The following ZFHX3 variants were observed in gnomAD, a reference collection of about 807,000 sequenced individuals.
ZFHX3 encodes zinc finger homeobox 3.
Under a neutral mutation model 279.1 loss-of-function variants are expected in ZFHX3, and 42 were observed. The observed-to-expected ratio is 0.15, with a 90% CI of 0.12 to 0.19. The LOEUF (loss-of-function observed/expected upper bound fraction) is 0.19. Ranked by LOEUF, ZFHX3 falls within the 10% of genes least tolerant of loss-of-function variation. The probability of loss-of-function intolerance (pLI) is 1.00; values close to 1 mark genes in which losing one functional copy is unlikely to be tolerated. For missense variants in ZFHX3, 4,981 were observed against 4,754.0 expected (o/e 1.05, Z -1.40); for synonymous variants, 2,293 against 1,957.8 (o/e 1.17, Z -4.52).
intron 3 of ZFHX3, among the ~76,000 whole-genome samples, chr16:73,373,123 G>C (rs1021602783): frequency 9.6e-6 from 1 of 103,712 alleles, no homozygotes; most frequent in Non-Finnish European, 1.9e-5. Flanking sequence ...TATATTTGTG[G>C]GGCGCTGGTG....
At chr16:73,653,175 T>C (rs542098571) in intron 2 of ZFHX3, among the ~76,000 whole-genome samples, 1 of 152,312 alleles carries the variant, frequency 6.6e-6, no homozygotes, top group Non-Finnish European at 1.5e-5. Context: ...TTGCTAATTA[T>C]TGGATGGACA....
intron 4 of ZFHX3, among the ~76,000 whole-genome samples, chr16:73,303,963 GAAAAAAAAAAAA>G (rs201865011): frequency 3.8e-4 from 29 of 76,126 alleles, no homozygotes; most frequent in African/African-American, 9.7e-4. Context: ...ACCCTAGGTG[GAAAAAAAAAAAA>G]AAAAAAAAAA....
At chr16:73,122,438 C>T (rs1966511003) in intron 7 of ZFHX3, among the ~76,000 whole-genome samples, 1 of 152,098 alleles carries the variant, frequency 6.6e-6, no homozygotes, top group African/African-American at 2.4e-5. Context: ...AAACCCGGAC[C>T]TCAAGTGGTC....
chr16:73,702,877 C>A (rs2053263644), intron 1 of ZFHX3, among the ~76,000 whole-genome samples: 1 of 152,126 alleles, frequency 6.6e-6, no homozygotes, highest in African/African-American at 2.4e-5. Flanking sequence ...TCCCCTTTCA[C>A]CTTGTTTCCA....
intron 5 of ZFHX3, among the ~76,000 whole-genome samples, chr16:73,190,364 G>A (rs1968004270): frequency 6.6e-6 from 1 of 152,210 alleles, no homozygotes; most frequent in Non-Finnish European, 1.5e-5. Flanking sequence ...ACACAGCTAA[G>A]TTTAGAGAGA....
chr16:73,654,752 A>C (rs1467371764), intron 2 of ZFHX3, among the ~76,000 whole-genome samples: 3 of 152,122 alleles, frequency 2.0e-5, no homozygotes, highest in South Asian at 2.1e-4. Flanking sequence ...ATAAATGTGT[A>C]AACTCATTTT....
chr16:73,483,999 C>G (rs955900634), intron 2 of ZFHX3, among the ~76,000 whole-genome samples: 1 of 142,064 alleles, frequency 7.0e-6, no homozygotes, highest in African/African-American at 2.6e-5. Context: ...AATAAGAAAA[C>G]AGTCTGAAAT....
chr16:72,910,591 G>A (rs536078330), intron 3 of ZFHX3, among the ~76,000 whole-genome samples: 1 of 152,334 alleles, frequency 6.6e-6, no homozygotes, highest in South Asian at 2.1e-4. Context: ...GGCAGTGGAT[G>A]GCAGCGTGGC....
chr16:73,354,220 T>C (rs921405817), intron 3 of ZFHX3, among the ~76,000 whole-genome samples: 1 of 152,226 alleles, frequency 6.6e-6, no homozygotes, highest in African/African-American at 2.4e-5. Flanking sequence ...TTATCTGAAA[T>C]TCAAACTGAA....
At chr16:73,706,470 A>AT (rs1000792202) in intron 1 of ZFHX3, among the ~76,000 whole-genome samples, 2 of 152,010 alleles carry the variant, frequency 1.3e-5, no homozygotes, top group African/African-American at 4.8e-5. Context: ...AAAAAAAAAA[A>AT]AAAAGAGAAA....
At chr16:72,907,313 C>A (rs1461711576) in intron 3 of ZFHX3, among the ~76,000 whole-genome samples, 1 of 152,106 alleles carries the variant, frequency 6.6e-6, no homozygotes, top group Non-Finnish European at 1.5e-5. Context: ...GGCTTTGATT[C>A]ATTCATTCAT....
intron 1 of ZFHX3, among the ~76,000 whole-genome samples, chr16:73,797,111 G>T (rs148346450): frequency 0.013 from 1,999 of 152,202 alleles, 38 homozygotes; most frequent in African/African-American, 0.045. Flanking sequence ...GCTGAGGCAG[G>T]AGAATGGCTT....
intron 1 of ZFHX3, among the ~76,000 whole-genome samples, chr16:73,835,912 T>C (rs1457869922): frequency 1.3e-5 from 2 of 152,154 alleles, no homozygotes; most frequent in African/African-American, 4.8e-5. Flanking sequence ...CTCTTACTAC[T>C]TTTTCCACAT....
At chr16:73,188,472 G>A (rs1475011469) in intron 5 of ZFHX3, among the ~76,000 whole-genome samples, 4 of 152,158 alleles carry the variant, frequency 2.6e-5, no homozygotes, top group Admixed American at 1.3e-4. Flanking sequence ...GATGAGCTTC[G>A]GTCCACCTTC....
chr16:73,730,376 GAA>G (rs1352379692), intron 1 of ZFHX3, among the ~76,000 whole-genome samples: 2 of 85,106 alleles, frequency 2.4e-5, no homozygotes, highest in African/African-American at 9.5e-5. Context: ...AAAAAAAAAA[GAA>G]AAAGAGAGAG....
In ZFHX3 at chr16:72,889,857, G is replaced by A. The variant is rs771775824; in HGVS notation, c.3322C>T (p.Arg1108Cys). The A allele has an allele frequency of 1.5e-5, 24 of 1,614,020 alleles. No individual in the cohort carries two copies. The highest frequency in any genetic ancestry group is 2.7e-5 in the African/African-American group (2 of 74,958). ...TCGCTTCGCTGGTGCTTCATGGAGC[G>A]CACATGCTGGATGAGGTTGAGCTTG... ...KAKLNLIQHVRSMKHQRSESL... is the reference protein window; with the variant it reads ...KAKLNLIQHVCSMKHQRSESL... Residue 1108 changes from arginine to cysteine, a missense_variant, in exon 4 of 10, where the codon CGC becomes TGC. By Grantham distance (180) the Arg-to-Cys change is radical. Around this residue, in one of 7 missense-constraint regions of ZFHX3, gnomAD observed 1,751 missense variants for 1,770.0 expected, o/e 0.99. Transcript: ENST00000268489.
intron 3 of ZFHX3, among the ~76,000 whole-genome samples, chr16:73,451,756 G>T (rs992748926): frequency 1.2e-4 from 19 of 152,136 alleles, no homozygotes; most frequent in Non-Finnish European, 2.2e-4. Flanking sequence ...GGGCATAAAA[G>T]AATTTTTTTA....
chr16:73,135,896 C>T (rs933448274), intron 6 of ZFHX3, among the ~76,000 whole-genome samples: 14 of 149,094 alleles, frequency 9.4e-5, no homozygotes, highest in Admixed American at 1.3e-4. Context: ...CTCGCTTTGT[C>T]GCCCAGGCTG....
chr16:73,763,901 C>A (rs940444444), intron 1 of ZFHX3, among the ~76,000 whole-genome samples: 2 of 142,946 alleles, frequency 1.4e-5, no homozygotes, highest in African/African-American at 2.7e-5. Flanking sequence ...GAAATGAATT[C>A]TGTGAACAAC....
Sources: allele counts gnomAD v4.1 joint callset (sites outside exome capture counted in the v4.1 genomes callset), GRCh38; gene constraint gnomAD v4.1.1; regional missense constraint gnomAD v4.1.1; transcripts MANE v1.5; gene names NCBI Gene and HGNC (gene_info 2026-07-23, HGNC 2026-07-21).